Variants in TRABD2A observed in about 807,000 individuals in gnomAD.
TRABD2A encodes TraB domain containing 2A, also known as metalloprotease TIKI1.
A neutral mutation model predicts 45.6 loss-of-function variants in TRABD2A; 43 were observed. The observed-to-expected ratio is 0.94, with a 90% CI of 0.74 to 1.22. The LOEUF (loss-of-function observed/expected upper bound fraction) is 1.22, where lower values mean the gene tolerates loss of function less well. Among genes scored for constraint, TRABD2A ranks in the 50% most tolerant of loss-of-function variants. TRABD2A has a pLI of 0.00. For missense variants in TRABD2A, 642 were observed against 652.4 expected, an observed-to-expected ratio of 0.98 and a Z score of 0.17; for synonymous variants, 269 against 265.0, an observed-to-expected ratio of 1.02 and a Z score of -0.15.
intron 1 of TRABD2A, among the ~76,000 whole-genome samples, chr2:84,874,029 A>G (rs1468915097): frequency 6.6e-6 from 1 of 152,034 alleles, no homozygotes; most frequent in Non-Finnish European, 1.5e-5. Flanking sequence ...ATACTGCAGG[A>G]TAATGGAGGG....
At chr2:84,845,488 T>C (rs1681856673) in intron 2 of TRABD2A, among the ~76,000 whole-genome samples, 3 of 151,916 alleles carry the variant, frequency 2.0e-5, no homozygotes, top group Admixed American at 2.0e-4. Context: ...TGGCTAATGG[T>C]GTTCATCAGT....
At chr2:84,878,413 T>C (rs150580196) in intron 1 of TRABD2A, among the ~76,000 whole-genome samples, 2,220 of 151,566 alleles carry the variant, frequency 0.015, 51 homozygotes, top group African/African-American at 0.052. Context: ...TAATCCCAGC[T>C]GCTCAGGAGG....
chr2:84,833,729 G>T (rs1681411999), intron 4 of TRABD2A: 1 of 151,566 alleles, frequency 6.6e-6, no homozygotes, highest in Non-Finnish European at 1.5e-5. Context: ...TGCCTTAGAA[G>T]GAGCCAGTGC....
intron 2 of TRABD2A, among the ~76,000 whole-genome samples, chr2:84,866,865 G>A (rs1471793727): frequency 2.6e-5 from 4 of 152,078 alleles, no homozygotes; most frequent in Admixed American, 6.6e-5. Flanking sequence ...CAGGAAGATC[G>A]CTTGAGGCCA....
chr2:84,824,546 CTTTTT>C (rs33984190), intron 5 of TRABD2A, among the ~76,000 whole-genome samples: 172 of 106,104 alleles, frequency 1.6e-3, no homozygotes, highest in African/African-American at 5.4e-3. Flanking sequence ...ACAATTATAG[CTTTTT>C]TTTTTTTTTT....
chr2:84,847,798 T>C (rs1681948488), intron 2 of TRABD2A, among the ~76,000 whole-genome samples: 1 of 152,222 alleles, frequency 6.6e-6, no homozygotes, highest in African/African-American at 2.4e-5. Flanking sequence ...AACAACAGAA[T>C]TGTATTGCCT....
intron 3 of TRABD2A, among the ~76,000 whole-genome samples, chr2:84,840,747 A>T (rs1681683986): frequency 6.6e-6 from 1 of 151,860 alleles, no homozygotes; most frequent in Admixed American, 6.6e-5. Flanking sequence ...ATTTATCACC[A>T]CCACCAACTC....
chr2:84,857,414 T>C (rs1334474717), intron 2 of TRABD2A, among the ~76,000 whole-genome samples: 1 of 152,154 alleles, frequency 6.6e-6, no homozygotes, highest in East Asian at 1.9e-4. Flanking sequence ...CAACAAACTA[T>C]GAAGAATCAT....
intron 1 of TRABD2A, among the ~76,000 whole-genome samples, chr2:84,873,376 C>T (rs1047284418): frequency 3.3e-5 from 5 of 151,710 alleles, no homozygotes; most frequent in Non-Finnish European, 7.4e-5. Context: ...GCCAAGATCC[C>T]GCCACTGCAC....
In TRABD2A at chr2:84,821,835, AG is replaced by A. The variant is rs1681007970; in HGVS notation, c.*81del. ...AGTCTCTTCTGGATTGGGCCCAACA[AG>A]GCTAGACCAGAATGTGGAGTACAGG... On this transcript the variant is annotated 3_prime_UTR_variant, in exon 7 of 7. Coordinates refer to ENST00000409520, the MANE Select transcript of TRABD2A (RefSeq NM_001277053.2). The A allele has an allele frequency of 7.3e-7, 1 of 1,375,866 alleles. No homozygotes were observed. Among genetic ancestry groups the A allele is most frequent in the African/African-American group, 1.5e-5 (1 of 67,732 alleles). The allele number at this position is 1,375,866 out of a possible 1,614,324, so 85.2% of individuals were successfully genotyped here.
intron 2 of TRABD2A, among the ~76,000 whole-genome samples, chr2:84,847,045 C>T (rs889617062): frequency 1.4e-4 from 22 of 152,218 alleles, no homozygotes; most frequent in Middle Eastern, 3.2e-3. Flanking sequence ...GCTGAAGGTG[C>T]CTCCCTTGGA....
chr2:84,880,514 C>T (rs797011753), intron 1 of TRABD2A, among the ~76,000 whole-genome samples: 1 of 152,206 alleles, frequency 6.6e-6, no homozygotes, highest in African/African-American at 2.4e-5. Context: ...AGCTTCAGGG[C>T]GCTGTTAATA....
chr2:84,853,005 C>T (rs1682149642), intron 2 of TRABD2A, among the ~76,000 whole-genome samples: 1 of 151,986 alleles, frequency 6.6e-6, no homozygotes, highest in African/African-American at 2.4e-5. Flanking sequence ...TTTTTCCCCC[C>T]ACCCAAAAGA....
chr2:84,873,114 CAA>C (rs34974821), intron 1 of TRABD2A, among the ~76,000 whole-genome samples: 24 of 70,656 alleles, frequency 3.4e-4, no homozygotes, highest in Non-Finnish European at 2.8e-4. Context: ...GACTTCATCT[CAA>C]AAAAAAAAAA....
At chr2:84,823,485 G>A (rs1388677977) in intron 6 of TRABD2A, among the ~76,000 whole-genome samples, 4 of 152,072 alleles carry the variant, frequency 2.6e-5, no homozygotes, top group South Asian at 4.1e-4. Context: ...ACTCAGGCTC[G>A]CCTATCCACC....
At position 84,839,605 on chromosome 2, in the gene TRABD2A, T is replaced by TA. The variant is rs199926813; in HGVS notation, c.817-283dup. On this transcript the variant is annotated intron_variant, in intron 3 of 6. Transcript: ENST00000409520. Reference sequence around the variant, plus strand: ...GGCTCTGTCTGATGCCGTGTGTTTATAAAAAAAAAAAAAGGACACTGTCTT... The same window carrying TA: ...GGCTCTGTCTGATGCCGTGTGTTTATAAAAAAAAAAAAAAGGACACTGTCTT... 3.0e-3 allele frequency among the ~76,000 whole-genome samples: 422 copies of TA among 138,788 alleles called. 1 individual carries two copies. Among genetic ancestry groups the TA allele is most frequent in the East Asian group, 0.016 (77 of 4,866 alleles). 91.1% of individuals were successfully genotyped at this position (138,788 alleles called of 152,430 possible). A position where few individuals can be genotyped will look rare whatever the true frequency, so the allele number is the denominator to read the frequency against.
At chr2:84,831,955 G>T in intron 5 of TRABD2A, 100 bp downstream of exon 5, 1 of 1,151,760 alleles carries the variant, frequency 8.7e-7, no homozygotes, top group Non-Finnish European at 1.3e-6. Context: ...ACGAGGCAGG[G>T]GTTCTCTGGA....
chr2:84,835,217 A>G (rs1045364320), intron 4 of TRABD2A: 1 of 129,150 alleles, frequency 7.7e-6, no homozygotes, highest in Non-Finnish European at 1.6e-5. Flanking sequence ...GACAAAAAAT[A>G]CTAGAGGAAA....
At chr2:84,870,935 A>G (rs1404403980) in intron 1 of TRABD2A, 150 bp from the exon 2 acceptor site, 9 of 790,014 alleles carry the variant, frequency 1.1e-5, no homozygotes, top group African/African-American at 7.0e-5. Flanking sequence ...ACCTGCCAGG[A>G]CAATCCATTG....
Sources: gnomAD v4.1 joint callset for allele counts (sites outside exome capture counted in the v4.1 genomes callset) on GRCh38, gnomAD v4.1.1 for gene constraint, MANE v1.5 for transcripts, NCBI Gene and HGNC (gene_info 2026-07-23, HGNC 2026-07-21) for gene names.